ZNF385D: variants seen among roughly 807,000 people sequenced by gnomAD.
ZNF385D encodes zinc finger protein 659.
Under a neutral mutation model 35.8 loss-of-function variants are expected in ZNF385D, and 15 were observed. That is an observed-to-expected ratio of 0.42 (90% CI 0.28 to 0.64). The LOEUF (loss-of-function observed/expected upper bound fraction) is 0.64. Ranked by LOEUF, ZNF385D falls within the 30% of genes least tolerant of loss-of-function variation. The pLI, the probability that ZNF385D is intolerant of heterozygous loss-of-function variation, is 0.23. For synonymous variants in ZNF385D, 212 were observed against 186.8 expected (o/e 1.13, Z -1.10); for missense variants, 474 against 494.6 (o/e 0.96, Z 0.39).
At chr3:22,034,690 A>T (rs1334122310) in intron 3 of ZNF385D, among the ~76,000 whole-genome samples, 1 of 152,212 alleles carries the variant, frequency 6.6e-6, no homozygotes, top group Non-Finnish European at 1.5e-5. Context: ...GTTTTCTTAC[A>T]GACCTATTTT....
chr3:21,838,031 C>A (rs1421528293), intron 3 of ZNF385D, among the ~76,000 whole-genome samples: 2 of 152,032 alleles, frequency 1.3e-5, no homozygotes, highest in Non-Finnish European at 2.9e-5. Flanking sequence ...CCTACATTAT[C>A]CCTTTTATTT....
chr3:21,972,263 T>C (rs1352444887), intron 3 of ZNF385D, among the ~76,000 whole-genome samples: 1 of 151,812 alleles, frequency 6.6e-6, no homozygotes, highest in Non-Finnish European at 1.5e-5. Flanking sequence ...TTGACCACAA[T>C]GGAATAAAAC....
At chr3:22,073,087 A>G (rs1297504167) in intron 3 of ZNF385D, among the ~76,000 whole-genome samples, 1 of 151,942 alleles carries the variant, frequency 6.6e-6, no homozygotes, top group Non-Finnish European at 1.5e-5. Flanking sequence ...AAAATGTAGC[A>G]ATCCATAAGG....
intron 3 of ZNF385D, among the ~76,000 whole-genome samples, chr3:22,033,366 C>A (rs564799132): frequency 2.6e-5 from 4 of 151,240 alleles, no homozygotes; most frequent in Non-Finnish European, 4.4e-5. Flanking sequence ...CATGCCACTG[C>A]ACTCCAACCT....
At chr3:21,424,397 C>T (rs1289668520) in intron 6 of ZNF385D, among the ~76,000 whole-genome samples, 1 of 134,492 alleles carries the variant, frequency 7.4e-6, no homozygotes, top group Non-Finnish European at 1.6e-5. Context: ...TAAGTGCAAC[C>T]TCTGCCTCCC....
intron 2 of ZNF385D, among the ~76,000 whole-genome samples, chr3:22,202,293 A>G (rs891099060): frequency 7.9e-5 from 12 of 152,052 alleles, no homozygotes; most frequent in African/African-American, 2.2e-4. Context: ...AGGTCTTTGG[A>G]AGAAGTGAGA....
intron 3 of ZNF385D, among the ~76,000 whole-genome samples, chr3:21,911,444 C>T (rs1256432308): frequency 6.6e-6 from 1 of 151,900 alleles, no homozygotes; most frequent in African/African-American, 2.4e-5. Flanking sequence ...TATTCTTGCT[C>T]TGCCATCTAT....
At chr3:21,881,170 C>A (rs952736783) in intron 3 of ZNF385D, among the ~76,000 whole-genome samples, 1 of 151,760 alleles carries the variant, frequency 6.6e-6, no homozygotes, top group Non-Finnish European at 1.5e-5. Flanking sequence ...CAGTACACAA[C>A]AGATTCTCAG....
At chr3:21,474,693 G>C (rs1202495574) in intron 4 of ZNF385D, among the ~76,000 whole-genome samples, 1 of 152,034 alleles carries the variant, frequency 6.6e-6, no homozygotes, top group African/African-American at 2.4e-5. Context: ...AATAATTTTG[G>C]ATACTTAAAT....
chr3:22,306,403 C>A (rs772979979), intron 2 of ZNF385D, among the ~76,000 whole-genome samples: 1 of 151,916 alleles, frequency 6.6e-6, no homozygotes, highest in Admixed American at 6.6e-5. Flanking sequence ...AGGAGAATGT[C>A]ATATTATTAA....
chr3:21,819,874 C>T (rs1001493378), intron 3 of ZNF385D, among the ~76,000 whole-genome samples: 5 of 148,056 alleles, frequency 3.4e-5, no homozygotes, highest in African/African-American at 1.2e-4. Context: ...TATATACACA[C>T]ATAATTAGGT....
At chr3:21,835,197 C>T (rs2630789) in intron 3 of ZNF385D, among the ~76,000 whole-genome samples, 135,240 of 151,716 alleles carry the variant, frequency 0.89, 60,525 homozygotes, top group African/African-American at 0.96. Context: ...CCAAGAGATG[C>T]TCAACAGCTA....
At chr3:22,205,121 A>C (rs547648771) in intron 2 of ZNF385D, among the ~76,000 whole-genome samples, 2 of 152,166 alleles carry the variant, frequency 1.3e-5, no homozygotes, top group Admixed American at 6.6e-5. Flanking sequence ...AGTAGCAAGA[A>C]AAATGAAATA....
intron 4 of ZNF385D, among the ~76,000 whole-genome samples, chr3:21,442,267 G>A (rs1166168071): frequency 6.6e-6 from 1 of 152,080 alleles, no homozygotes; most frequent in Non-Finnish European, 1.5e-5. Context: ...AAAACCATAG[G>A]TGAGTTACTA....
At chr3:21,834,425 G>A (rs939744933) in intron 3 of ZNF385D, among the ~76,000 whole-genome samples, 29 of 152,084 alleles carry the variant, frequency 1.9e-4, no homozygotes, top group Admixed American at 3.9e-4. Flanking sequence ...AAGACTTTAG[G>A]TGTATCCTCT....
chr3:21,424,068 T>G lies in ZNF385D; in HGVS notation c.853-4A>C. 6.4e-7 allele frequency: 1 copy of G among 1,559,500 alleles called. No homozygotes were observed. The highest frequency in any genetic ancestry group is 1.4e-5 in the African/African-American group (1 of 71,374). ...TGTGCCTTCTACTGCTAATGTGCTA[T>G]TAAAAGTAATTTAAAATGACAGCTT... is the stretch of plus-strand genomic sequence containing the variant. On this transcript the variant is annotated splice_polypyrimidine_tract_variant and splice_region_variant and intron_variant, in intron 6 of 7. Transcript: ENST00000281523.
At chr3:21,653,212 C>T (rs2065970105) in intron 2 of ZNF385D, among the ~76,000 whole-genome samples, 1 of 152,012 alleles carries the variant, frequency 6.6e-6, no homozygotes, top group Non-Finnish European at 1.5e-5. Context: ...GTGATATTTC[C>T]ATGTAAAAAT....
intron 2 of ZNF385D, among the ~76,000 whole-genome samples, chr3:22,216,036 T>C (rs954525196): frequency 4.6e-5 from 7 of 152,044 alleles, no homozygotes; most frequent in Non-Finnish European, 8.8e-5. Flanking sequence ...GACTTTGCCA[T>C]AGTCTGTGTT....
At chr3:21,940,976 G>A (rs983757664) in intron 3 of ZNF385D, among the ~76,000 whole-genome samples, 1 of 152,092 alleles carries the variant, frequency 6.6e-6, no homozygotes, top group Non-Finnish European at 1.5e-5. Context: ...GAAAAACAAA[G>A]AATATTAAAT....
Sources: gnomAD v4.1 joint callset for allele counts (sites outside exome capture counted in the v4.1 genomes callset) on GRCh38, gnomAD v4.1.1 for gene constraint, MANE v1.5 for transcripts, NCBI Gene and HGNC (gene_info 2026-07-23, HGNC 2026-07-21) for gene names.